Variants in FLT3 observed in about 807,000 individuals in gnomAD.
FLT3 encodes receptor-type tyrosine-protein kinase FLT3.
FLT3 carries 46 observed loss-of-function variants against 126.6 expected under a neutral mutation model. The ratio of observed to expected loss-of-function variants is 0.36; its 90% CI spans 0.29 to 0.46. The LOEUF (loss-of-function observed/expected upper bound fraction) is 0.46, where lower values mean the gene tolerates loss of function less well. Ranked by LOEUF, FLT3 falls within the 20% of genes least tolerant of loss-of-function variation. FLT3 has a pLI of 1.00. For synonymous variants in FLT3, 404 were observed against 434.4 expected (o/e 0.93, Z 0.87); for missense variants, 1,069 against 1,190.3 (o/e 0.90, Z 1.50).
chr13:28,024,247 T>G (rs1189601119), intron 18 of FLT3, among the ~76,000 whole-genome samples: 1 of 151,938 alleles, frequency 6.6e-6, no homozygotes, highest in Non-Finnish European at 1.5e-5. Context: ...TCCTCCTGCC[T>G]CAGCCTCCCA....
In FLT3 at chr13:28,035,527, G is replaced by A. The variant is rs756580988; in HGVS notation, c.1565C>T (p.Thr522Ile). 2 of 1,613,990 alleles carry A rather than the reference G, an allele frequency of 1.2e-6. No homozygotes were observed. Among genetic ancestry groups the A allele is most frequent in the Admixed American group, 1.7e-5 (1 of 59,970 alleles). The change falls in exon 12 of 24, where the codon ACA becomes ATA. Residue 522 changes from threonine (T) to isoleucine (I), a missense_variant. Coordinates refer to ENST00000241453, the MANE Select transcript of FLT3 (RefSeq NM_004119.3). ...VKCCAYNSLGTSCETILLNSP... is the reference protein window; with the variant it reads ...VKCCAYNSLGISCETILLNSP... Reference sequence around the variant, plus strand: ...GTTTAAAAGGATCGTCTCACAAGATGTGCCAAGGGAATTGTATGCACAGCA... The same window carrying A: ...GTTTAAAAGGATCGTCTCACAAGATATGCCAAGGGAATTGTATGCACAGCA...
intron 17 of FLT3, among the ~76,000 whole-genome samples, chr13:28,025,959 T>C (rs765681951): frequency 9.9e-5 from 15 of 152,068 alleles, no homozygotes; most frequent in Non-Finnish European, 1.6e-4. Flanking sequence ...GACTCTCAAA[T>C]GTATCCCTAA....
chr13:28,015,749 A>T, intron 20 of FLT3, 48 bp from the exon 21 acceptor site: 1 of 1,086,680 alleles, frequency 9.2e-7, no homozygotes, highest in Admixed American at 1.8e-5. Context: ...CCACATACAG[A>T]CATGACTTCT....
In FLT3 at chr13:28,023,471, A is replaced by T. The variant is rs1322506485; in HGVS notation, c.2297T>A (p.Ile766Asn). 6.2e-7 allele frequency: 1 copy of T among 1,613,780 alleles called. No individual in the cohort carries two copies. Among genetic ancestry groups the T allele is most frequent in the African/African-American group, 1.3e-5 (1 of 75,032 alleles). Residue 766 changes from isoleucine (I) to asparagine (N), a missense_variant, in exon 19 of 24, where the codon ATT (isoleucine) becomes AAT (asparagine). Physicochemically the swap from Ile to Asn is moderately radical, Grantham distance 149. Transcript: ENST00000241453. The stretch of plus-strand genomic sequence containing the variant: ...CAGCCTTTTTTGGTTTTCATATTCA[A>T]TTTCATCTGTAAAATAGAGCCAGTC... ...HGNSFHSEDE[I>N]EYENQKRLEE...
At chr13:28,037,325 T>G in intron 9 of FLT3, 37 bp from the exon 10 acceptor site, 1 of 1,250,196 alleles carries the variant, frequency 8.0e-7, no homozygotes, top group Non-Finnish European at 1.2e-6. Context: ...TTTAGCCCAA[T>G]TGCTACAGGA....
In FLT3 at chr13:28,034,482, T is replaced by C. The variant is rs894378848; in HGVS notation, c.1598-75A>G. 43 of 1,043,406 alleles carry C rather than the reference T, an allele frequency of 4.1e-5. No homozygotes were observed. The Middle Eastern group carries it at 1.0e-3, about 25-fold the overall frequency. 64.6% of individuals were successfully genotyped at this position (1,043,406 alleles called of 1,614,324 possible). A position where few individuals can be genotyped will look rare whatever the true frequency, so the allele number is the denominator to read the frequency against. On this transcript the variant is annotated intron_variant, in intron 12 of 23. Transcript: ENST00000241453. Reference sequence around the variant, plus strand: ...ATTATAAATAGTGGACAACTCATTATAATCTCTCACATCCTGTTTCAGTAA... The same window carrying C: ...ATTATAAATAGTGGACAACTCATTACAATCTCTCACATCCTGTTTCAGTAA...
rs369009833 is a variant in FLT3, at chr13:28,046,299, AC to A, written c.1205+1975del. On this transcript the variant is annotated intron_variant, in intron 9 of 23. Transcript: ENST00000241453. ...CTGCACTGAGATTCTAAAAGTCCCA[AC>A]AAGGGACTTTTAGTACAAATCCCTT... Among the ~76,000 whole-genome samples the A allele has an allele frequency of 2.9e-4, 44 of 152,336 alleles. No homozygotes were observed. The East Asian group carries it at 5.2e-3, about 18-fold the overall frequency.
chr13:28,066,015 T>G (rs1180528828), intron 2 of FLT3, among the ~76,000 whole-genome samples: 4 of 151,736 alleles, frequency 2.6e-5, no homozygotes, highest in Non-Finnish European at 4.4e-5. Flanking sequence ...ATAAACCAAC[T>G]AGAATATGTG....
At chr13:28,030,417 A>G (rs1368944100) in intron 15 of FLT3, among the ~76,000 whole-genome samples, 1 of 152,194 alleles carries the variant, frequency 6.6e-6, no homozygotes, top group African/African-American at 2.4e-5. Context: ...TCATTCAACA[A>G]GTATTTATTG....
At chr13:28,063,483 A>AAATT (rs1052897322) in intron 2 of FLT3, among the ~76,000 whole-genome samples, 5 of 152,270 alleles carry the variant, frequency 3.3e-5, no homozygotes, top group East Asian at 1.9e-4. Flanking sequence ...CTGTCTCAAA[A>AAATT]AATTAATTAA....
At chr13:28,050,245 A>T (rs763278335) in intron 5 of FLT3, 23 bp from the exon 6 acceptor site, 16 of 1,612,306 alleles carry the variant, frequency 9.9e-6, no homozygotes, top group Non-Finnish European at 1.4e-5. Context: ...AAGAAGTACC[A>T]TTTGGCTAAA....
At chr13:28,079,194 C>T (rs1878160013) in intron 1 of FLT3, among the ~76,000 whole-genome samples, 1 of 152,178 alleles carries the variant, frequency 6.6e-6, no homozygotes, top group Non-Finnish European at 1.5e-5. Flanking sequence ...TTCCACAAAT[C>T]TCTAGGACAA....
At chr13:28,087,309 A>G (rs1228961732) in intron 1 of FLT3, among the ~76,000 whole-genome samples, 3 of 152,168 alleles carry the variant, frequency 2.0e-5, no homozygotes, top group Non-Finnish European at 4.4e-5. Flanking sequence ...GCTTCAAGCA[A>G]TCCTCCTGCC....
intron 2 of FLT3, 104 bp downstream of exon 2, chr13:28,070,387 A>G: frequency 1.1e-6 from 1 of 910,396 alleles, no homozygotes; most frequent in South Asian, 1.6e-5. Context: ...AATATACTTA[A>G]ATACATAAAG....
At chr13:28,046,866 G>C (rs1042415094) in intron 9 of FLT3, among the ~76,000 whole-genome samples, 4 of 152,016 alleles carry the variant, frequency 2.6e-5, no homozygotes, top group African/African-American at 9.7e-5. Context: ...AAAGTGCTGG[G>C]ATGACAGGTG....
chr13:28,052,710 T>A, intron 4 of FLT3, 36 bp from the exon 5 acceptor site: 1 of 1,446,390 alleles, frequency 6.9e-7, no homozygotes, highest in Non-Finnish European at 9.6e-7. Flanking sequence ...TTTACTATTT[T>A]AAAAATAATT....
At chr13:28,069,102 T>C (rs191280171) in intron 2 of FLT3, among the ~76,000 whole-genome samples, 2 of 152,186 alleles carry the variant, frequency 1.3e-5, no homozygotes, top group African/African-American at 4.8e-5. Flanking sequence ...TGGGAAATCA[T>C]GGAGGGTTCA....
At chr13:28,055,781 T>C (rs924130964) in intron 4 of FLT3, among the ~76,000 whole-genome samples, 3 of 151,806 alleles carry the variant, frequency 2.0e-5, no homozygotes, top group African/African-American at 7.3e-5. Flanking sequence ...GGCAAGAAAA[T>C]TTTAAAAGGA....
intron 1 of FLT3, among the ~76,000 whole-genome samples, chr13:28,085,160 T>TGGTGAAACCC (rs1878582382): frequency 6.7e-6 from 1 of 150,104 alleles, no homozygotes; most frequent in Non-Finnish European, 1.5e-5. Context: ...CTGGCCAACG[T>TGGTGAAACCC]GGTGAAACCC....
Sources: allele counts gnomAD v4.1 joint callset (sites outside exome capture counted in the v4.1 genomes callset), GRCh38; gene constraint gnomAD v4.1.1; transcripts MANE v1.5; gene names NCBI Gene and HGNC (gene_info 2026-07-23, HGNC 2026-07-21).